Variants in MGAT3 observed in about 807,000 individuals in gnomAD.
The protein encoded by MGAT3 is beta-1,4-mannosyl-glycoprotein 4-beta-N-acetylglucosaminyltransferase.
Under a neutral mutation model 29.8 loss-of-function variants are expected in MGAT3, and 9 were observed. The observed-to-expected ratio is 0.30, with a 90% confidence interval of 0.18 to 0.53. The LOEUF is 0.53. Ranked by LOEUF, MGAT3 falls within the 20% of genes least tolerant of loss-of-function variation. MGAT3 has a pLI of 0.96. For synonymous variants in MGAT3, 397 were observed against 348.9 expected (o/e 1.14, Z -1.54); for missense variants, 557 against 769.5 (o/e 0.72, Z 3.27).
chr22:39,488,832 C>T lies in MGAT3; in HGVS notation c.1485C>T (p.His495=), dbSNP rs1275085255. The stretch of plus-strand genomic sequence containing the variant: ...TGCTGAAGAACTACGACCGGTTCCA[C>T]TACCTGCTGGACAACCCCTACCAGG... ...KYLLKNYDRF[H]YLLDNPYQEP... The change falls in exon 2 of 2, where the codon CAC becomes CAT. Residue 495 remains histidine, a synonymous_variant. Transcript: ENST00000341184. The T allele has an allele frequency of 1.9e-6, 3 of 1,609,110 alleles. No homozygotes were observed. The highest frequency in any genetic ancestry group is 1.3e-5 in the African/African-American group (1 of 74,866).
intron 1 of MGAT3, among the ~76,000 whole-genome samples, chr22:39,475,050 C>T (rs948139494): frequency 6.6e-6 from 1 of 151,752 alleles, no homozygotes; most frequent in Admixed American, 6.6e-5. Context: ...GCGGCCTTCA[C>T]CAATCACCCC....
chr22:39,479,670 T>A (rs764495614), intron 1 of MGAT3, among the ~76,000 whole-genome samples: 1 of 152,214 alleles, frequency 6.6e-6, no homozygotes, highest in Non-Finnish European at 1.5e-5. Context: ...TATCATTGAG[T>A]GCTTACTGTG....
rs578213083 is a variant in MGAT3 at position 39,465,460 on chromosome 22, A to C, written c.-2+7903A>C. ...CCATACCCTCCAACTCACTGTGGGC[A>C]TTCAGTGAAACCATGTGTGTAAGAC... is the stretch of plus-strand genomic sequence containing the variant. On this transcript the variant is annotated intron_variant, in intron 1 of 1. Transcript: ENST00000341184. Among the ~76,000 whole-genome samples, 4 of 152,334 alleles carry C rather than the reference A, an allele frequency of 2.6e-5. No individual in the cohort carries two copies. In the East Asian group the frequency reaches 7.7e-4, roughly 29 times the overall value.
chr22:39,488,607 C>T lies in MGAT3; in HGVS notation c.1260C>T (p.Ser420=), dbSNP rs745813292. Residue 420 remains serine (S), a synonymous_variant, in exon 2 of 2, where the codon TCC becomes TCT. Coordinates refer to ENST00000341184, the MANE Select transcript of MGAT3 (RefSeq NM_002409.5). ...SPLHFAGWHC[S]WCFTPEGIYF... ...TGCACTTCGCCGGCTGGCACTGCTC[C>T]TGGTGCTTCACGCCCGAGGGCATCT... is the stretch of plus-strand genomic sequence containing the variant. 1.1e-5 allele frequency: 17 copies of T among 1,613,228 alleles called. No homozygotes were observed. The highest frequency in any genetic ancestry group is 1.0e-4 in the Admixed American group (6 of 60,014).
intron 1 of MGAT3, among the ~76,000 whole-genome samples, chr22:39,479,384 C>T (rs557232545): frequency 6.6e-6 from 1 of 152,112 alleles, no homozygotes; most frequent in East Asian, 1.9e-4. Flanking sequence ...TGGGGCTGGG[C>T]ACAACTTACG....
At position 39,487,425 on chromosome 22, in the gene MGAT3, C is replaced by G; in HGVS notation, c.78C>G (p.Phe26Leu). The G allele has an allele frequency of 1.2e-6, 2 of 1,613,854 alleles. No individual in the cohort carries two copies. Among genetic ancestry groups the G allele is most frequent in the Non-Finnish European group, 1.7e-6 (2 of 1,180,004 alleles). ...GCCTCATCTCCTTCCTGCACTTCTT[C>G]AAGACCCTGTCCTATGTCACCTTCC... is the stretch of plus-strand genomic sequence containing the variant. ...GLCLISFLHFFKTLSYVTFPR... is the reference protein window; with the variant it reads ...GLCLISFLHFLKTLSYVTFPR... Residue 26 changes from phenylalanine (F) to leucine (L), a missense_variant, in exon 2 of 2, where the codon TTC (phenylalanine) becomes TTG (leucine). Around this residue, in one of 3 missense-constraint regions of MGAT3, gnomAD observed 212 missense variants for 228.5 expected, o/e 0.93. Transcript: ENST00000341184. The surrounding 1 kb of genome is among the most constrained non-coding windows in gnomAD (Gnocchi z 5.7).
At chr22:39,459,960 G>A (rs1177917410) in intron 1 of MGAT3, among the ~76,000 whole-genome samples, 2 of 152,270 alleles carry the variant, frequency 1.3e-5, no homozygotes, top group Admixed American at 6.5e-5. Context: ...TGGGCTGGAC[G>A]TGAACGGCAG....
chr22:39,479,418 G>T (rs1221936736), intron 1 of MGAT3, among the ~76,000 whole-genome samples: 1 of 152,138 alleles, frequency 6.6e-6, no homozygotes, highest in Non-Finnish European at 1.5e-5. Context: ...CGGGGTGGGG[G>T]TGGAGCCTCA....
At chr22:39,473,217 G>A (rs1002259571) in intron 1 of MGAT3, among the ~76,000 whole-genome samples, 7 of 152,194 alleles carry the variant, frequency 4.6e-5, no homozygotes, top group Non-Finnish European at 1.0e-4. Flanking sequence ...CAGAATACCT[G>A]AGACTGGGTG....
rs550674150 is a variant in MGAT3 at position 39,481,370 on chromosome 22, T to C, written c.-1-5977T>C. On this transcript the variant is annotated intron_variant, in intron 1 of 1. Coordinates refer to ENST00000341184, the MANE Select transcript of MGAT3 (RefSeq NM_002409.5). Reference sequence around the variant, plus strand: ...CTTTGTCTTTCTCCAGAGCACAGCCTCTTTGGGCGCGCAGTTTTCTGAGCT... The same window carrying C: ...CTTTGTCTTTCTCCAGAGCACAGCCCCTTTGGGCGCGCAGTTTTCTGAGCT... 3.1e-4 allele frequency among the ~76,000 whole-genome samples: 47 copies of C among 152,312 alleles called. No homozygotes were observed. In the South Asian group the frequency reaches 9.7e-3, roughly 32 times the overall value.
At chr22:39,464,970 T>C (rs528210303) in intron 1 of MGAT3, among the ~76,000 whole-genome samples, 1 of 151,962 alleles carries the variant, frequency 6.6e-6, no homozygotes, top group Non-Finnish European at 1.5e-5. Context: ...TTAGCCAGCA[T>C]GGTCTCGATC....
rs879363193 is a variant in MGAT3 at position 39,487,118 on chromosome 22, A to G, written c.-1-229A>G. Among the ~76,000 whole-genome samples, 6 of 151,862 alleles carry G rather than the reference A, an allele frequency of 4.0e-5. No homozygotes were observed. The highest frequency in any genetic ancestry group is 3.9e-4 in the Admixed American group (6 of 15,266). On this transcript the variant is annotated intron_variant, in intron 1 of 1. Transcript: ENST00000341184. The surrounding 1 kb of genome is among the most constrained non-coding windows in gnomAD (Gnocchi z 5.7). ...GAGGGGGCAGGGTGGTGGCCTGGGG[A>G]TCTCAGGGAAGGGCTATGGGAGCAC...
At chr22:39,478,179 C>T (rs575317728) in intron 1 of MGAT3, among the ~76,000 whole-genome samples, 1 of 152,372 alleles carries the variant, frequency 6.6e-6, no homozygotes, top group Non-Finnish European at 1.5e-5. Flanking sequence ...GTTGAACTAA[C>T]TCCTGGAGAG....
chr22:39,468,224 G>A (rs1928710748), intron 1 of MGAT3, among the ~76,000 whole-genome samples: 2 of 152,192 alleles, frequency 1.3e-5, no homozygotes, highest in Admixed American at 1.3e-4. Flanking sequence ...CCAGATCCCA[G>A]GGGCAACGCT....
At chr22:39,484,697 C>T (rs1601729169) in intron 1 of MGAT3, among the ~76,000 whole-genome samples, 2 of 151,922 alleles carry the variant, frequency 1.3e-5, no homozygotes, top group African/African-American at 4.8e-5. Flanking sequence ...TCCACCCTAC[C>T]TTGCTGTCCT....
intron 1 of MGAT3, among the ~76,000 whole-genome samples, chr22:39,474,492 G>A (rs1928895517): frequency 6.6e-6 from 1 of 152,158 alleles, no homozygotes; most frequent in African/African-American, 2.4e-5. Context: ...TGTGGGGGTG[G>A]AATGAAGCGA....
Position 39,488,750 on chromosome 22 carries a change from C to A in MGAT3, c.1403C>A (p.Thr468Lys). The part of the protein sequence containing the change: ...LIRTGGWFDG[T>K]QQEYPPADPS... ...CGCACCGGGGGCTGGTTCGACGGCA[C>A]GCAGCAGGAGTACCCGCCTGCAGAC... is the stretch of plus-strand genomic sequence containing the variant. The change falls in exon 2 of 2, where the codon ACG becomes AAG. Residue 468 changes from threonine to lysine, a missense_variant. Thr to Lys is a moderately conservative substitution (Grantham distance 78). Coordinates refer to ENST00000341184, the MANE Select transcript of MGAT3 (RefSeq NM_002409.5). The A allele has an allele frequency of 6.2e-7, 1 of 1,612,966 alleles. No individual in the cohort carries two copies. Among genetic ancestry groups the A allele is most frequent in the Non-Finnish European group, 8.5e-7 (1 of 1,179,594 alleles).
chr22:39,484,947 G>A lies in MGAT3; in HGVS notation c.-1-2400G>A, dbSNP rs925350738. 2.6e-5 allele frequency among the ~76,000 whole-genome samples: 4 copies of A among 152,198 alleles called. No individual in the cohort carries two copies. In the East Asian group the frequency reaches 7.8e-4, roughly 30 times the overall value. ...GAACCTGGTAGATGGAAGTTGCAGC[G>A]AGCCAGGATCTAGCCACTGCACTTC... On this transcript the variant is annotated intron_variant, in intron 1 of 1. Coordinates refer to ENST00000341184, the MANE Select transcript of MGAT3 (RefSeq NM_002409.5).
chr22:39,478,630 G>A (rs1255448362), intron 1 of MGAT3, among the ~76,000 whole-genome samples: 2 of 152,198 alleles, frequency 1.3e-5, no homozygotes, highest in South Asian at 2.1e-4. Flanking sequence ...CACAGGAGCC[G>A]CCCTTCACCA....
Sources: gnomAD v4.1 joint callset for allele counts (sites outside exome capture counted in the v4.1 genomes callset) on GRCh38, gnomAD v4.1.1 for gene constraint, gnomAD v4.1.1 regional missense constraint, Gnocchi (gnomAD v3.1) non-coding constraint, MANE v1.5 for transcripts, NCBI Gene and HGNC (gene_info 2026-07-23, HGNC 2026-07-21) for gene names.